TPRG1: variants seen among roughly 807,000 people sequenced by gnomAD.
TPRG1 encodes tumor protein p63 regulated 1.
In TPRG1, 29 loss-of-function variants were observed where a neutral mutation model predicts 29.3. The observed-to-expected ratio is 0.99, with a 90% CI of 0.74 to 1.35. TPRG1 has a LOEUF of 1.35. Among genes scored for constraint, TPRG1 ranks in the 40% most tolerant of loss-of-function variants. The pLI, the probability that TPRG1 is intolerant of heterozygous loss-of-function variation, is 0.00. For missense variants in TPRG1, 327 were observed against 335.0 expected (o/e 0.98, Z 0.19); for synonymous variants, 130 against 116.8 (o/e 1.11, Z -0.73).
At chr3:189,008,903 G>A (rs1712450381) in intron 3 of TPRG1, among the ~76,000 whole-genome samples, 2 of 152,162 alleles carry the variant, frequency 1.3e-5, no homozygotes, top group Admixed American at 1.3e-4. Context: ...GTGCCTAATG[G>A]CAGAGAATGG....
intron 4 of TPRG1, among the ~76,000 whole-genome samples, chr3:189,262,268 A>C (rs190092457): frequency 1.3e-5 from 2 of 150,802 alleles, no homozygotes; most frequent in East Asian, 3.9e-4. Flanking sequence ...GACTTGGTAG[A>C]AGTATATGAA....
rs1553938118 is a variant in TPRG1, at chr3:189,282,215, C to CAAAAGAAA, written c.480-28167_480-28166insGAAAAAAA. ...TGTCAGTAGGCATAATAGTCCTTTC[C>CAAAAGAAA]AAAAAAAAAAAAAAAAAGGCAGCAG... On this transcript the variant is annotated intron_variant, in intron 4 of 5. Coordinates refer to ENST00000345063, the MANE Select transcript of TPRG1 (RefSeq NM_198485.4). Among the ~76,000 whole-genome samples, 426 of 94,720 alleles carry CAAAAGAAA rather than the reference C, an allele frequency of 4.5e-3. 7 individuals carry two copies. Among genetic ancestry groups the CAAAAGAAA allele is most frequent in the African/African-American group, 0.018 (399 of 22,096 alleles). 62.1% of individuals were successfully genotyped at this position (94,720 alleles called of 152,430 possible).
At chr3:189,266,564 C>A (rs1035838091) in intron 4 of TPRG1, among the ~76,000 whole-genome samples, 7 of 152,050 alleles carry the variant, frequency 4.6e-5, no homozygotes, top group African/African-American at 1.7e-4. Context: ...GACAGGAGAT[C>A]CGTTTTTGTG....
chr3:189,060,041 T>A (rs1715998226), intron 4 of TPRG1, among the ~76,000 whole-genome samples: 1 of 152,184 alleles, frequency 6.6e-6, no homozygotes, highest in Admixed American at 6.5e-5. Context: ...GAGACCAACC[T>A]GACCAACCTG....
chr3:189,311,343 T>A (rs1722453589), intron 5 of TPRG1, among the ~76,000 whole-genome samples: 1 of 152,226 alleles, frequency 6.6e-6, no homozygotes, highest in African/African-American at 2.4e-5. Flanking sequence ...GTCATTCATT[T>A]CAGAATATTA....
At chr3:189,236,442 A>G (rs1465530259) in intron 3 of TPRG1, among the ~76,000 whole-genome samples, 3 of 152,160 alleles carry the variant, frequency 2.0e-5, no homozygotes, top group Non-Finnish European at 4.4e-5. Flanking sequence ...TTTAGTCTTC[A>G]TCTCTTTCTG....
intron 5 of TPRG1, among the ~76,000 whole-genome samples, chr3:189,155,043 A>T (rs185630018): frequency 6.6e-6 from 1 of 152,322 alleles, no homozygotes; most frequent in African/African-American, 2.4e-5. Flanking sequence ...CAGCAGGTGC[A>T]AGATGCCCTG....
At chr3:189,208,007 T>C (rs548251610) in intron 2 of TPRG1, among the ~76,000 whole-genome samples, 3 of 152,206 alleles carry the variant, frequency 2.0e-5, no homozygotes, top group Non-Finnish European at 4.4e-5. Flanking sequence ...AAGATCGCAC[T>C]GACTCTCTAA....
intron 3 of TPRG1, among the ~76,000 whole-genome samples, chr3:189,216,128 T>A (rs1320592209): frequency 6.6e-6 from 1 of 152,210 alleles, no homozygotes; most frequent in Non-Finnish European, 1.5e-5. Flanking sequence ...AAAGGCAATT[T>A]TTTTTTACTA....
intron 4 of TPRG1, 137 bp from the exon 5 acceptor site, chr3:189,310,249 T>C: frequency 1.5e-6 from 1 of 653,582 alleles, no homozygotes; most frequent in Non-Finnish European, 2.3e-6. Context: ...TTCACCTTTT[T>C]CTTCTCACCC....
At chr3:189,059,208 G>T (rs924856816) in intron 4 of TPRG1, among the ~76,000 whole-genome samples, 2 of 152,192 alleles carry the variant, frequency 1.3e-5, no homozygotes, top group African/African-American at 4.8e-5. Context: ...AAGTAAGACA[G>T]TAAGAATAAC....
rs1204400144 is a variant in TPRG1, at chr3:189,143,997, T to C, written c.-290-3587T>C. On this transcript the variant is annotated intron_variant, in intron 3 of 6. Coordinates refer to the TPRG1 transcript ENST00000412373. ...CTCTGTGTAGCTTCCTACTTTAGGA[T>C]CTTCAGGAACTCTTCCCACAGTCTA... is the stretch of plus-strand genomic sequence containing the variant. 2.6e-5 allele frequency among the ~76,000 whole-genome samples: 4 copies of C among 152,216 alleles called. No individual in the cohort carries two copies. In the East Asian group the frequency reaches 7.7e-4, roughly 29 times the overall value.
intron 4 of TPRG1, among the ~76,000 whole-genome samples, chr3:189,070,820 G>A (rs1439686599): frequency 2.0e-5 from 3 of 152,120 alleles, no homozygotes; most frequent in Admixed American, 6.5e-5. Context: ...AAACATGGCA[G>A]GAGATTGAGT....
intron 5 of TPRG1, among the ~76,000 whole-genome samples, chr3:189,164,830 C>T (rs910080221): frequency 6.6e-6 from 1 of 152,066 alleles, no homozygotes; most frequent in Admixed American, 6.5e-5. Context: ...CAGGTTCCCT[C>T]CACAGCTCCC....
intron 4 of TPRG1, among the ~76,000 whole-genome samples, chr3:189,085,452 T>TGTGTGTGC (rs1553900892): frequency 7.4e-5 from 11 of 148,508 alleles, no homozygotes; most frequent in Admixed American, 6.0e-4. Flanking sequence ...TGTGCATGTG[T>TGTGTGTGC]GTGTGTGTGT....
At chr3:189,285,767 C>T (rs1717954660) in intron 4 of TPRG1, among the ~76,000 whole-genome samples, 1 of 152,134 alleles carries the variant, frequency 6.6e-6, no homozygotes, top group Admixed American at 6.5e-5. Context: ...TCGAATTGTC[C>T]AGTTGTATTC....
chr3:189,274,757 C>T (rs1396085070), intron 4 of TPRG1, among the ~76,000 whole-genome samples: 1 of 152,090 alleles, frequency 6.6e-6, no homozygotes, highest in South Asian at 2.1e-4. Flanking sequence ...ATAGGTATTT[C>T]TTACCAATTT....
intron 4 of TPRG1, among the ~76,000 whole-genome samples, chr3:189,043,880 C>G (rs1714792802): frequency 6.6e-6 from 1 of 152,144 alleles, no homozygotes; most frequent in Non-Finnish European, 1.5e-5. Context: ...AGAGCTGGGT[C>G]TCTCGAGACG....
chr3:189,258,077 G>A (rs967576758), intron 4 of TPRG1, among the ~76,000 whole-genome samples: 1 of 152,158 alleles, frequency 6.6e-6, no homozygotes, highest in Admixed American at 6.5e-5. Flanking sequence ...GAGGAGAAGA[G>A]GCATTCTGGT....
Sources: allele counts gnomAD v4.1 joint callset (sites outside exome capture counted in the v4.1 genomes callset), GRCh38; gene constraint gnomAD v4.1.1; transcripts MANE v1.5; gene names NCBI Gene and HGNC (gene_info 2026-07-23, HGNC 2026-07-21).